The following VAV1 variants were observed in gnomAD, a reference collection of about 807,000 sequenced individuals.
VAV1 encodes vav guanine nucleotide exchange factor 1.
VAV1 carries 33 observed loss-of-function variants against 128.1 expected under a neutral mutation model. The ratio of observed to expected loss-of-function variants is 0.26; its 90% CI spans 0.20 to 0.34. The LOEUF is 0.34. Ranked by LOEUF, VAV1 falls within the 10% of genes least tolerant of loss-of-function variation. The pLI is 1.00. For synonymous variants in VAV1, 394 were observed against 409.8 expected (o/e 0.96, Z 0.47); for missense variants, 715 against 1,093.7 (o/e 0.65, Z 4.88).
chr19:6,786,847 G>A (rs1296631533), intron 1 of VAV1, among the ~76,000 whole-genome samples: 1 of 151,800 alleles, frequency 6.6e-6, no homozygotes, highest in Non-Finnish European at 1.5e-5. Flanking sequence ...TTGATTTGAC[G>A]TTTACTATTT....
chr19:6,812,423 G>A (rs1025505890), intron 1 of VAV1, among the ~76,000 whole-genome samples: 2 of 152,186 alleles, frequency 1.3e-5, no homozygotes, highest in African/African-American at 4.8e-5. Flanking sequence ...GGGAGGCCAA[G>A]GCAGGCAGAT....
At chr19:6,775,264 A>G (rs904188684) in intron 1 of VAV1, among the ~76,000 whole-genome samples, 1 of 152,218 alleles carries the variant, frequency 6.6e-6, no homozygotes, top group Admixed American at 6.5e-5. Flanking sequence ...CCCATCTGTT[A>G]GACCTGGCAG....
At chr19:6,788,139 G>T (rs1970937008) in intron 1 of VAV1, among the ~76,000 whole-genome samples, 1 of 151,910 alleles carries the variant, frequency 6.6e-6, no homozygotes, top group South Asian at 2.1e-4. Context: ...TCACTGTGTT[G>T]CTCAGGCTGA....
intron 13 of VAV1, 26 bp from the exon 14 acceptor site, chr19:6,829,760 C>T (rs1235590902): frequency 6.2e-7 from 1 of 1,613,094 alleles, no homozygotes; most frequent in Non-Finnish European, 8.5e-7. Flanking sequence ...AAGAGCCAGA[C>T]AGGAATGCGT....
At chr19:6,837,165 C>A in intron 21 of VAV1, 115 bp downstream of exon 21, 2 of 1,093,410 alleles carry the variant, frequency 1.8e-6, no homozygotes, top group Non-Finnish European at 2.7e-6. Context: ...CCCATCATGG[C>A]AGGTCTTTCT....
At chr19:6,795,180 T>C (rs10408874) in intron 1 of VAV1, among the ~76,000 whole-genome samples, 3,714 of 152,166 alleles carry the variant, frequency 0.024, 165 homozygotes, top group African/African-American at 0.086. Flanking sequence ...TCTCTCTTCC[T>C]ACCCTAGGCA....
rs995769029 is a variant in VAV1, at chr19:6,824,070, T to C, written c.655-983T>C. On this transcript the variant is annotated intron_variant, in intron 6 of 26. Coordinates refer to ENST00000602142, the MANE Select transcript of VAV1 (RefSeq NM_005428.4). ...CCCCTGCCTTAACCTCCTGAGGAGC[T>C]GGGGCCACGGGTGCATGCCACCACA... Among the ~76,000 whole-genome samples the C allele has an allele frequency of 2.6e-5, 4 of 152,222 alleles. No homozygotes were observed. The South Asian group carries it at 6.2e-4, about 24-fold the overall frequency.
At chr19:6,790,344 A>AG (rs1970991489) in intron 1 of VAV1, among the ~76,000 whole-genome samples, 1 of 152,092 alleles carries the variant, frequency 6.6e-6, no homozygotes, top group African/African-American at 2.4e-5. Flanking sequence ...CTCTTGAGGG[A>AG]GGGGGTGGTG....
At position 6,828,571 on chromosome 19, in the gene VAV1, G is replaced by T. The variant is rs1366797984; in HGVS notation, c.1093-51G>T. ...TGATCCTCTAGCCGGGATTAGGTAG[G>T]AGCCTGGGTCGGCTGTTGGGGGGCC... On this transcript the variant is annotated intron_variant, in intron 11 of 26. Coordinates refer to ENST00000602142, the MANE Select transcript of VAV1 (RefSeq NM_005428.4). The surrounding 1 kb of genome is among the most constrained non-coding windows in gnomAD (Gnocchi z 4.5). The T allele has an allele frequency of 1.2e-6, 2 of 1,613,528 alleles. No homozygotes were observed. Among genetic ancestry groups the T allele is most frequent in the African/African-American group, 2.7e-5 (2 of 74,914 alleles).
intron 2 of VAV1, 130 bp from the exon 3 acceptor site, chr19:6,821,492 G>A (rs887436228): frequency 9.7e-7 from 1 of 1,029,450 alleles, no homozygotes; most frequent in Non-Finnish European, 1.5e-6. Flanking sequence ...ATAGGAGGTA[G>A]AGAAAATCCT....
rs147150931 is a variant in VAV1 at position 6,845,001 on chromosome 19, G to A, written c.2012+1835G>A. ...TTCTGTCTTTATTCAAAATGTTGAT[G>A]TTTGTTCATCATGGTTTCTTTGCAT... is the stretch of plus-strand genomic sequence containing the variant. On this transcript the variant is annotated intron_variant, in intron 22 of 26. Transcript: ENST00000602142. Among the ~76,000 whole-genome samples, 427 of 152,192 alleles carry A rather than the reference G, an allele frequency of 2.8e-3. 2 individuals carry two copies. Among genetic ancestry groups the A allele is most frequent in the African/African-American group, 0.01 (418 of 41,514 alleles).
chr19:6,779,025 C>T (rs1301197590), intron 1 of VAV1, among the ~76,000 whole-genome samples: 2 of 146,190 alleles, frequency 1.4e-5, no homozygotes, highest in Non-Finnish European at 3.0e-5. Flanking sequence ...TACAGGTGTG[C>T]ACCGGCATAC....
At chr19:6,825,740 A>T (rs1336624666) in intron 8 of VAV1, among the ~76,000 whole-genome samples, 1 of 152,090 alleles carries the variant, frequency 6.6e-6, no homozygotes, top group Admixed American at 6.6e-5. Flanking sequence ...ATGAAGGAAC[A>T]TTGGCCAGGT....
rs1256113971 is a variant in VAV1, at chr19:6,828,569, A to G, written c.1093-53A>G. On this transcript the variant is annotated intron_variant, in intron 11 of 26. Transcript: ENST00000602142. The surrounding 1 kb of genome is among the most constrained non-coding windows in gnomAD (Gnocchi z 4.5). ...GCTGATCCTCTAGCCGGGATTAGGT[A>G]GGAGCCTGGGTCGGCTGTTGGGGGG... The G allele has an allele frequency of 1.1e-5, 18 of 1,613,664 alleles. No homozygotes were observed. The East Asian group carries it at 1.6e-4, about 14-fold the overall frequency.
chr19:6,805,883 C>T (rs1311888250), intron 1 of VAV1, among the ~76,000 whole-genome samples: 1 of 151,862 alleles, frequency 6.6e-6, no homozygotes, highest in African/African-American at 2.4e-5. Flanking sequence ...AGCCTGGAGT[C>T]TCTGGACTGC....
At chr19:6,807,925 G>A (rs992482743) in intron 1 of VAV1, among the ~76,000 whole-genome samples, 1 of 149,172 alleles carries the variant, frequency 6.7e-6, no homozygotes, top group African/African-American at 2.5e-5. Context: ...GGGAGCCAGA[G>A]GTTGCAGTGA....
rs1568303959 is a variant in VAV1, at chr19:6,822,443, C to T, written c.583C>T (p.Arg195Cys). Residue 195 changes from arginine (R) to cysteine (C), a missense_variant, in exon 6 of 27, where the codon CGC becomes TGC. This residue lies in a region of VAV1 where 302 missense variants were observed against 477.8 expected (regional missense o/e 0.63). Transcript: ENST00000602142. The surrounding 1 kb of genome is among the most constrained non-coding windows in gnomAD (Gnocchi z 5.9). ...MPPKMTEYDK[R>C]CCCLREIQQT... The stretch of plus-strand genomic sequence containing the variant: ...GCCCAAGATGACAGAGTATGACAAG[C>T]GCTGCTGCTGCCTGCGGGAGATCCA... 6.4e-7 allele frequency: 1 copy of T among 1,562,910 alleles called. No individual in the cohort carries two copies. The highest frequency in any genetic ancestry group is 8.7e-7 in the Non-Finnish European group (1 of 1,155,726).
At position 6,850,662 on chromosome 19, in the gene VAV1, G is replaced by C. The variant is rs755209928; in HGVS notation, c.2130-8G>C. ...CAGACTCAGGGCCCGGTGACCATCT[G>C]GTTCCAGATATAACGTCGAGGTCAA... On this transcript the variant is annotated splice_polypyrimidine_tract_variant and splice_region_variant and intron_variant, in intron 23 of 26. Coordinates refer to ENST00000602142, the MANE Select transcript of VAV1 (RefSeq NM_005428.4). 1 of 1,613,908 alleles carries C rather than the reference G, an allele frequency of 6.2e-7. No individual in the cohort carries two copies. The highest frequency in any genetic ancestry group is 1.7e-5 in the Admixed American group (1 of 60,010).
In VAV1 at chr19:6,833,176, C is replaced by A; in HGVS notation, c.1509-8C>A. ...CTTTTTTTTTTTTTTTTAATTTTCC[C>A]CTGCCAGCTCCAACATCTATCCGGA... On this transcript the variant is annotated splice_polypyrimidine_tract_variant and splice_region_variant and intron_variant, in intron 15 of 26. Coordinates refer to ENST00000602142, the MANE Select transcript of VAV1 (RefSeq NM_005428.4). 1 of 1,585,514 alleles carries A rather than the reference C, an allele frequency of 6.3e-7. No homozygotes were observed. The highest frequency in any genetic ancestry group is 8.5e-7 in the Non-Finnish European group (1 of 1,171,308).
Sources: gnomAD v4.1 joint callset for allele counts (sites outside exome capture counted in the v4.1 genomes callset) on GRCh38, gnomAD v4.1.1 for gene constraint, gnomAD v4.1.1 regional missense constraint, Gnocchi (gnomAD v3.1) non-coding constraint, MANE v1.5 for transcripts, NCBI Gene and HGNC (gene_info 2026-07-23, HGNC 2026-07-21) for gene names.